MUC5AC: variants seen among roughly 807,000 people sequenced by gnomAD.
The protein encoded by MUC5AC is mucin 5AC, oligomeric mucus/gel-forming.
In MUC5AC, 158 loss-of-function variants were observed where a neutral mutation model predicts 169.7. The ratio of observed to expected loss-of-function variants is 0.93; its 90% confidence interval spans 0.82 to 1.06. The LOEUF (loss-of-function observed/expected upper bound fraction) is 1.06, where lower values mean the gene tolerates loss of function less well. Among genes scored for constraint, MUC5AC ranks in the 50% least tolerant of loss-of-function variants. The pLI, the probability that MUC5AC is intolerant of heterozygous loss-of-function variation, is 0.00. For synonymous variants in MUC5AC, 1,975 were observed against 1,237.0 expected, an observed-to-expected ratio of 1.60 and a Z score of -12.52; for missense variants, 4,359 against 3,089.9, an observed-to-expected ratio of 1.41 and a Z score of -9.74.
intron 3 of MUC5AC, 103 bp downstream of exon 3, chr11:1,161,689 G>A (rs985713662): frequency 2.3e-5 from 31 of 1,355,974 alleles, no homozygotes; most frequent in African/African-American, 1.7e-4. Flanking sequence ...AGCTTTCCGG[G>A]TGAACACTGG....
In MUC5AC at chr11:1,187,487, C is replaced by G. The variant is rs1554928240; in HGVS notation, c.9342C>G (p.Ala3114=). 2.7e-6 allele frequency: 2 copies of G among 736,642 alleles called. No homozygotes were observed. The highest frequency in any genetic ancestry group is 1.8e-5 in the Admixed American group (1 of 54,212). 45.6% of individuals were successfully genotyped at this position (736,642 alleles called of 1,614,324 possible). ...PTTSTTSAST[A]SKTSGLGTTP... ...CCAGCACAACCTCTGCCTCTACAGCCAGCAAAACCTCTGGTCTTGGAACTA... is the reference window on the plus strand; with the variant it reads ...CCAGCACAACCTCTGCCTCTACAGCGAGCAAAACCTCTGGTCTTGGAACTA... Residue 3114 remains alanine, a synonymous_variant, in exon 31 of 49, where the codon GCC becomes GCG. Coordinates refer to ENST00000621226, the MANE Select transcript of MUC5AC (RefSeq NM_001304359.2).
At position 1,160,659 on chromosome 11, in the gene MUC5AC, G is replaced by C; in HGVS notation, c.121G>C (p.Ala41Pro). The C allele has an allele frequency of 6.2e-7, 1 of 1,610,716 alleles. No homozygotes were observed. Among genetic ancestry groups the C allele is most frequent in the Non-Finnish European group, 8.5e-7 (1 of 1,179,610 alleles). The change falls in exon 2 of 49, where the codon GCC becomes CCC. Residue 41 changes from alanine to proline, a missense_variant. By Grantham distance (27) the Ala-to-Pro change is conservative. Coordinates refer to ENST00000621226, the MANE Select transcript of MUC5AC (RefSeq NM_001304359.2). ...CGAATCCAGCTACAAGCACCACCCT[G>C]CCCTCTCTCCTATCGCCCGGGGGCC... The part of the protein sequence containing the change: ...SSESSYKHHP[A>P]LSPIARGPSG...
Position 1,160,707 on chromosome 11 carries a change from G to A in MUC5AC, c.151+18G>A. The stretch of plus-strand genomic sequence containing the variant: ...GCCCAGCGGTGAGTCTGAGTGTCCG[G>A]CCCCCACCCTAAGCCTGTCAGATTC... On this transcript the variant is annotated intron_variant, in intron 2 of 48. Transcript: ENST00000621226. 6 of 1,602,114 alleles carry A rather than the reference G, an allele frequency of 3.7e-6. No homozygotes were observed. The highest frequency in any genetic ancestry group is 5.1e-6 in the Non-Finnish European group (6 of 1,175,830).
chr11:1,196,628 A>C lies in MUC5AC; in HGVS notation c.15737A>C (p.Glu5246Ala), dbSNP rs1457379054. The change falls in exon 39 of 49, where the codon GAG becomes GCG. Residue 5246 changes from glutamate to alanine, a missense_variant. By Grantham distance (107) the Glu-to-Ala change is moderately radical. Coordinates refer to ENST00000621226, the MANE Select transcript of MUC5AC (RefSeq NM_001304359.2). ...TATGCTCTCTACAGGGCTCTGCCGG[A>C]GGCCGGCCCCATCACCGAAGGCTGC... Reference protein sequence around the residue: ...NDSASLGALPEAGPITEGCFC... With the variant: ...NDSASLGALPAAGPITEGCFC... The C allele has an allele frequency of 1.3e-6, 1 of 762,274 alleles. No homozygotes were observed. The highest frequency in any genetic ancestry group is 1.7e-5 in the Admixed American group (1 of 58,604). 47.2% of individuals were successfully genotyped at this position (762,274 alleles called of 1,614,324 possible).
intron 19 of MUC5AC, 134 bp downstream of exon 19, chr11:1,175,404 G>A (rs1055043152): frequency 2.8e-5 from 11 of 396,830 alleles, no homozygotes; most frequent in African/African-American, 2.3e-4. Context: ...TCAGTGTCAG[G>A]CATGGTTTGT....
In MUC5AC at chr11:1,198,222, G is replaced by A. The variant is rs531684333; in HGVS notation, c.16136-46G>A. 16 of 729,872 alleles carry A rather than the reference G, an allele frequency of 2.2e-5. No individual in the cohort carries two copies. The African/African-American group carries it at 2.4e-4, about 11-fold the overall frequency. The allele number at this position is 729,872 out of a possible 1,614,324, so 45.2% of individuals were successfully genotyped here. On this transcript the variant is annotated intron_variant, in intron 42 of 48. Coordinates refer to ENST00000621226, the MANE Select transcript of MUC5AC (RefSeq NM_001304359.2). ...GGGGCGGGAATGCTGAGGGTGAGGGGAGAGTGGGCGGCGGGGGGTGCAGCT... is the reference window on the plus strand; with the variant it reads ...GGGGCGGGAATGCTGAGGGTGAGGGAAGAGTGGGCGGCGGGGGGTGCAGCT...
At chr11:1,177,410 C>A (rs1200092446) in intron 23 of MUC5AC, 44 bp from the exon 24 acceptor site, 1 of 403,784 alleles carries the variant, frequency 2.5e-6, no homozygotes, top group Non-Finnish European at 4.4e-6. Flanking sequence ...GTCAGGTGGG[C>A]TGGGGTTCTT....
At position 1,191,138 on chromosome 11, in the gene MUC5AC, TG is replaced by T. The variant is rs1861085533; in HGVS notation, c.12994del (p.Ala4332LeufsTer3). On this transcript the variant is annotated frameshift_variant, in exon 31 of 49. Transcript: ENST00000621226. LOFTEE classifies it high-confidence loss of function. ...CTGTTCCCACCACCAGCACAACCTC[TG>T]CTCCTATAACCAGCACAACCTCTGG... ...SPVPTTSTTSAPITSTTSGPG... is the reference protein window; with the variant it reads ...SPVPTTSTTSXPITSTTSGPG... 1.4e-6 allele frequency: 1 copy of T among 698,428 alleles called. No homozygotes were observed. The highest frequency in any genetic ancestry group is 1.8e-5 in the African/African-American group (1 of 56,852). The allele number at this position is 698,428 out of a possible 1,614,324, so 43.3% of individuals were successfully genotyped here. A position where few individuals can be genotyped will look rare whatever the true frequency, so the allele number is the denominator to read the frequency against.
In MUC5AC at chr11:1,162,529, C is replaced by T; in HGVS notation, c.474-3C>T. 6.2e-7 allele frequency: 1 copy of T among 1,612,388 alleles called. No individual in the cohort carries two copies. Among genetic ancestry groups the T allele is most frequent in the South Asian group, 1.1e-5 (1 of 91,044 alleles). On this transcript the variant is annotated splice_polypyrimidine_tract_variant and splice_region_variant and intron_variant, in intron 4 of 48. Coordinates refer to ENST00000621226, the MANE Select transcript of MUC5AC (RefSeq NM_001304359.2). ...AGCCCCTCAGCCCTGCCTTCCTCCA[C>T]AGGGTCCTGCTGCCCTTCAGCCAGT...
At chr11:1,158,276 A>G (rs1181088585) in intron 1 of MUC5AC, among the ~76,000 whole-genome samples, 1 of 152,074 alleles carries the variant, frequency 6.6e-6, no homozygotes, top group African/African-American at 2.4e-5. Context: ...GGCTTCGCGG[A>G]CCTCTGAGGC....
In MUC5AC at chr11:1,183,352, C is replaced by A; in HGVS notation, c.5207C>A (p.Thr1736Asn). 2 of 547,480 alleles carry A rather than the reference C, an allele frequency of 3.7e-6. No homozygotes were observed. The highest frequency in any genetic ancestry group is 5.4e-5 in the South Asian group (2 of 37,066). The allele number at this position is 547,480 out of a possible 1,614,324, so 33.9% of individuals were successfully genotyped here. A position where few individuals can be genotyped will look rare whatever the true frequency, so the allele number is the denominator to read the frequency against. ...ACCAGCGTCACACAGGGCACCCACA[C>A]CACACTAGTCACCAGAAACTGTCAT... The part of the protein sequence containing the change: ...TATSVTQGTH[T>N]TLVTRNCHPR... Residue 1736 changes from threonine to asparagine, a missense_variant, in exon 31 of 49, where the codon ACC (threonine) becomes AAC (asparagine). Coordinates refer to ENST00000621226, the MANE Select transcript of MUC5AC (RefSeq NM_001304359.2).
In MUC5AC at chr11:1,191,430, T is replaced by C. The variant is rs1454065595; in HGVS notation, c.13285T>C (p.Ser4429Pro). Residue 4429 changes from serine (S) to proline (P), a missense_variant, in exon 31 of 49, where the codon TCT becomes CCT. Transcript: ENST00000621226. ...TCCTACAACCAGAACAACCCCTGCC[T>C]CTACAGCCAGCACAACCTCTGGTCC... ...SAPTTRTTPA[S>P]TASTTSGPGT... The C allele has an allele frequency of 1.9e-5, 13 of 678,202 alleles. No individual in the cohort carries two copies. Among genetic ancestry groups the C allele is most frequent in the African/African-American group, 1.7e-4 (7 of 40,300 alleles). The allele number at this position is 678,202 out of a possible 1,614,324, so 42.0% of individuals were successfully genotyped here.
rs1399290413 is a variant in MUC5AC, at chr11:1,177,048, C to T, written c.2775C>T (p.Cys925=). 2 of 398,776 alleles carry T rather than the reference C, an allele frequency of 5.0e-6. No homozygotes were observed. Among genetic ancestry groups the T allele is most frequent in the Non-Finnish European group, 8.8e-6 (2 of 226,132 alleles). The allele number at this position is 398,776 out of a possible 1,614,324, so 24.7% of individuals were successfully genotyped here. A position where few individuals can be genotyped will look rare whatever the true frequency, so the allele number is the denominator to read the frequency against. The stretch of plus-strand genomic sequence containing the variant: ...AGAGCTACAGCTTCAACGGAGACTG[C>T]GAGTACACGCTGGTGCAGGTGAGCC... ...DGQSYSFNGD[C]EYTLVQNHCG... Residue 925 remains cysteine, a synonymous_variant, in exon 22 of 49, where the codon TGC becomes TGT. Transcript: ENST00000621226.
chr11:1,164,287 TG>T lies in MUC5AC; in HGVS notation c.972del (p.Leu324PhefsTer137). On this transcript the variant is annotated frameshift_variant, in exon 8 of 49. Transcript: ENST00000621226. LOFTEE classifies it high-confidence loss of function. ...CGGCAGTGCACCCATGCAGGGGGGT[TG>T]CCCCAGGACTGGCGGGGCCCTGACT... Reference protein sequence around the residue: ...YSRQCTHAGGLPQDWRGPDFC... With the variant: ...YSRQCTHAGGXPQDWRGPDFC... 1 of 1,612,542 alleles carries T rather than the reference TG, an allele frequency of 6.2e-7. No individual in the cohort carries two copies. The highest frequency in any genetic ancestry group is 8.5e-7 in the Non-Finnish European group (1 of 1,179,854).
At chr11:1,192,672 A>T (rs79604368) in intron 31 of MUC5AC, 111 bp from the exon 32 acceptor site, 7,308 of 684,826 alleles carry the variant, frequency 0.011, 92 homozygotes, top group South Asian at 0.038. Flanking sequence ...ATTCTCTGAA[A>T]TTTTTTCCCA....
chr11:1,166,197 AAC>A (rs1358001913), intron 11 of MUC5AC, among the ~76,000 whole-genome samples: 1 of 144,390 alleles, frequency 6.9e-6, no homozygotes, highest in African/African-American at 2.7e-5. Flanking sequence ...CCCTGCACCC[AAC>A]ACACAGTCTA....
intron 5 of MUC5AC, 39 bp downstream of exon 5, chr11:1,162,685 C>G: frequency 1.3e-6 from 2 of 1,574,474 alleles, no homozygotes; most frequent in South Asian, 1.1e-5. Context: ...GCAACTCCAG[C>G]CCTCGAGGGC....
At chr11:1,171,514 CA>C (rs1421038571) in intron 15 of MUC5AC, among the ~76,000 whole-genome samples, 9 of 140,072 alleles carry the variant, frequency 6.4e-5, no homozygotes, top group Non-Finnish European at 1.3e-4. Flanking sequence ...CCCATTCACC[CA>C]CTCACTCACC....
chr11:1,192,170 G>T lies in MUC5AC; in HGVS notation c.14025G>T (p.Gln4675His). The change falls in exon 31 of 49, where the codon CAG becomes CAT. Residue 4675 changes from glutamine to histidine, a missense_variant. Coordinates refer to ENST00000621226, the MANE Select transcript of MUC5AC (RefSeq NM_001304359.2). ...CRRPEEITRL[Q>H]CRAESHPEVN... ...GACCTGAGGAGATCACCAGGCTCCA[G>T]TGCCGAGCCGAGAGCCACCCGGAGG... 1.3e-6 allele frequency: 1 copy of T among 765,146 alleles called. No individual in the cohort carries two copies. The highest frequency in any genetic ancestry group is 2.4e-6 in the Non-Finnish European group (1 of 417,918). The allele number at this position is 765,146 out of a possible 1,614,324, so 47.4% of individuals were successfully genotyped here. A position where few individuals can be genotyped will look rare whatever the true frequency, so the allele number is the denominator to read the frequency against.
Sources: allele counts gnomAD v4.1 joint callset (sites outside exome capture counted in the v4.1 genomes callset), GRCh38; gene constraint gnomAD v4.1.1; transcripts MANE v1.5; gene names NCBI Gene and HGNC (gene_info 2026-07-23, HGNC 2026-07-21).